The following CACNA1S variants were observed in gnomAD, a reference collection of about 807,000 sequenced individuals.
The protein encoded by CACNA1S is voltage-dependent L-type calcium channel subunit alpha-1S.
Under a neutral mutation model 207.4 loss-of-function variants are expected in CACNA1S, and 126 were observed. That is an observed-to-expected ratio of 0.61 (90% CI 0.53 to 0.70). CACNA1S has a LOEUF of 0.70. Among genes scored for constraint, CACNA1S ranks in the 30% least tolerant of loss-of-function variants. The probability of loss-of-function intolerance (pLI) is 0.00; values close to 1 mark genes in which losing one functional copy is unlikely to be tolerated. For missense variants in CACNA1S, 2,349 were observed against 2,422.8 expected (o/e 0.97, Z 0.64); for synonymous variants, 960 against 932.7 (o/e 1.03, Z -0.53).
Position 201,053,566 on chromosome 1 carries a change from T to G in CACNA1S, c.3688A>C (p.Ile1230Leu), listed in dbSNP as rs1265187841. The change falls in exon 30 of 44, where the codon ATC becomes CTC. Residue 1230 changes from isoleucine to leucine, a missense_variant. Physicochemically the swap from Ile to Leu is conservative, Grantham distance 5. Transcript: ENST00000362061. This position sits in a 1 kb window ranked among gnomAD's most constrained non-coding sequence, Gnocchi z 5.1. ...AACAGGCGGAAGAAGGCGCTGGAGA[T>G]GCGGGCACTCTCATCTGGGTCCTGC... ...GNVDPDESAR[I>L]SSAFFRLFRV... 5 of 1,609,208 alleles carry G rather than the reference T, an allele frequency of 3.1e-6. No homozygotes were observed. The highest frequency in any genetic ancestry group is 4.2e-6 in the Non-Finnish European group (5 of 1,177,524).
At chr1:201,047,443 T>C in intron 37 of CACNA1S, 82 bp downstream of exon 37, 1 of 1,336,752 alleles carries the variant, frequency 7.5e-7, no homozygotes, top group Non-Finnish European at 1.1e-6. Context: ...CGTTCTCAGA[T>C]TCCCATGGGG....
At chr1:201,076,478 G>A (rs1661628306) in intron 12 of CACNA1S, among the ~76,000 whole-genome samples, 1 of 152,284 alleles carries the variant, frequency 6.6e-6, no homozygotes, top group Non-Finnish European at 1.5e-5. Context: ...CCCTTGGGTG[G>A]CTGATAGTGA....
At chr1:201,073,310 C>CTG (rs1427760891) in intron 15 of CACNA1S, among the ~76,000 whole-genome samples, 1 of 149,984 alleles carries the variant, frequency 6.7e-6, no homozygotes, top group Admixed American at 6.7e-5. Flanking sequence ...GAGTGGGAAG[C>CTG]TGCTACGCTG....
rs537264732 is a variant in CACNA1S, at chr1:201,053,119, C to T, written c.3861+90G>A. 68 of 1,416,990 alleles carry T rather than the reference C, an allele frequency of 4.8e-5. No homozygotes were observed. In the East Asian group the frequency reaches 8.9e-4, roughly 19 times the overall value. 87.8% of individuals were successfully genotyped at this position (1,416,990 alleles called of 1,614,324 possible). On this transcript the variant is annotated intron_variant, in intron 31 of 43. Transcript: ENST00000362061. This position sits in a 1 kb window ranked among gnomAD's most constrained non-coding sequence, Gnocchi z 5.1. ...GGCAGGGAGGGCGGAGGGTCCAGCC[C>T]GTGTGCTGCTCAGGCTCCTCAGGGT... is the stretch of plus-strand genomic sequence containing the variant.
intron 7 of CACNA1S, 26 bp from the exon 8 acceptor site, chr1:201,085,607 G>C: frequency 6.2e-7 from 1 of 1,613,472 alleles, no homozygotes; most frequent in Non-Finnish European, 8.5e-7. Flanking sequence ...GGAGCCAGGA[G>C]AGGAGGAGAA....
At chr1:201,110,097 C>T in intron 2 of CACNA1S, 67 bp downstream of exon 2, 1 of 1,424,018 alleles carries the variant, frequency 7.0e-7, no homozygotes, top group Non-Finnish European at 9.9e-7. Context: ...ACAGAGTCCA[C>T]CAAGGGGGCC....
chr1:201,100,238 T>C (rs1662598847), intron 2 of CACNA1S, among the ~76,000 whole-genome samples: 2 of 152,272 alleles, frequency 1.3e-5, no homozygotes, highest in South Asian at 4.1e-4. Flanking sequence ...CTGTTTTTCC[T>C]GTTTCACAGA....
At chr1:201,083,594 G>A (rs1012874966) in intron 9 of CACNA1S, among the ~76,000 whole-genome samples, 2 of 152,166 alleles carry the variant, frequency 1.3e-5, no homozygotes, top group East Asian at 1.9e-4. Context: ...AGGAGCAGAC[G>A]CTCCGTGTGG....
At chr1:201,058,569 T>A in intron 27 of CACNA1S, 78 bp from the exon 28 acceptor site, 1 of 1,182,136 alleles carries the variant, frequency 8.5e-7, no homozygotes, top group Non-Finnish European at 1.3e-6. Context: ...GAGGACAGTG[T>A]CCCACCCGAG....
At chr1:201,099,296 C>T (rs1662553826) in intron 2 of CACNA1S, among the ~76,000 whole-genome samples, 1 of 152,196 alleles carries the variant, frequency 6.6e-6, no homozygotes, top group Non-Finnish European at 1.5e-5. Flanking sequence ...CTCCAGGCTC[C>T]CAGGCTCCCC....
rs1558070799 is a variant in CACNA1S at position 201,075,454 on chromosome 1, C to CCCCCCCAA, written c.1948+40_1948+41insTTGGGGGG. 3.1e-6 allele frequency: 5 copies of CCCCCCCAA among 1,594,310 alleles called. No individual in the cohort carries two copies. In the Admixed American group the frequency reaches 5.0e-5, roughly 16 times the overall value. On this transcript the variant is annotated intron_variant, in intron 13 of 43. Transcript: ENST00000362061. The stretch of plus-strand genomic sequence containing the variant: ...CATTTTAAGCCCTTTCCCCCACCCC[C>CCCCCCCAA]TCCCTAAGCTCTTTTCTGCACCCTG...
Position 201,050,380 on chromosome 1 carries a change from TG to T in CACNA1S, c.4241+8del, listed in dbSNP as rs777764199. On this transcript the variant is annotated splice_region_variant and intron_variant, in intron 34 of 43. Transcript: ENST00000362061. ...AGGGCCCAGCACAGAGCCTACAGATTGGACTCACTTAGCCTCTGGGTCATAC... is the reference window on the plus strand; with the variant it reads ...AGGGCCCAGCACAGAGCCTACAGATTGACTCACTTAGCCTCTGGGTCATAC... 6.2e-7 allele frequency: 1 copy of T among 1,613,956 alleles called. No homozygotes were observed.
intron 19 of CACNA1S, 150 bp downstream of exon 19, chr1:201,068,987 T>A: frequency 1.4e-6 from 1 of 721,602 alleles, no homozygotes. Flanking sequence ...CAGATACTTG[T>A]GGGCCTGCCG....
At chr1:201,094,787 A>G (rs1432451585) in intron 2 of CACNA1S, among the ~76,000 whole-genome samples, 1 of 152,110 alleles carries the variant, frequency 6.6e-6, no homozygotes, top group African/African-American at 2.4e-5. Flanking sequence ...ACAGGTAAGA[A>G]GCTGAGGTTT....
rs1224046860 is a variant in CACNA1S, at chr1:201,093,978, G to T, written c.302C>A (p.Ala101Asp). 6.2e-7 allele frequency: 1 copy of T among 1,614,236 alleles called. No individual in the cohort carries two copies. Among genetic ancestry groups the T allele is most frequent in the South Asian group, 1.1e-5 (1 of 91,084 alleles). ...YFFLIVFSIE[A>D]AMKIIAYGFL... ...GCCGTAGGCAATGATCTTCATGGCG[G>T]CTTCAATCGAGAAGACAATGAGGAA... The change falls in exon 3 of 44, where the codon GCC becomes GAC. Residue 101 changes from alanine to aspartate, a missense_variant. Transcript: ENST00000362061.
rs926000507 is a variant in CACNA1S at position 201,039,947 on chromosome 1, G to T, written c.5506C>A (p.Arg1836=). Residue 1836 remains arginine, a synonymous_variant, in exon 44 of 44, where the codon CGA becomes AGA. Transcript: ENST00000362061. The part of the protein sequence containing the change: ...EIMATELLKG[R]EAPEGMASSL... ...CTGGCCATGCCCTCTGGGGCCTCTC[G>T]TCCTTTCAGTAGCTCTGTTGCCATG... The T allele has an allele frequency of 1.9e-6, 3 of 1,614,138 alleles. No homozygotes were observed. The highest frequency in any genetic ancestry group is 1.7e-5 in the Admixed American group (1 of 60,030).
At chr1:201,047,342 C>G in intron 37 of CACNA1S, 103 bp from the exon 38 acceptor site, 1 of 1,502,196 alleles carries the variant, frequency 6.7e-7, no homozygotes, top group Admixed American at 1.8e-5. Context: ...GCAAGCAATC[C>G]TTTGTCTTGC....
intron 2 of CACNA1S, among the ~76,000 whole-genome samples, chr1:201,108,851 C>A (rs780379216): frequency 6.6e-6 from 1 of 152,138 alleles, no homozygotes; most frequent in Non-Finnish European, 1.5e-5. Context: ...AAGGTGGTTC[C>A]ATTGTTCTGT....
Position 201,066,857 on chromosome 1 carries a change from T to C in CACNA1S, c.2657+30A>G, listed in dbSNP as rs1661262461. On this transcript the variant is annotated intron_variant, in intron 20 of 43. Coordinates refer to ENST00000362061, the MANE Select transcript of CACNA1S (RefSeq NM_000069.3). The surrounding 1 kb of genome is among the most constrained non-coding windows in gnomAD (Gnocchi z 4.3). ...CTGGCACAGAGCAGAGGGTGGTCTG[T>C]GCCCAGGGCTGGCCCTTGCCGCTGC... 1 of 1,529,294 alleles carries C rather than the reference T, an allele frequency of 6.5e-7. No individual in the cohort carries two copies. Among genetic ancestry groups the C allele is most frequent in the Admixed American group, 1.7e-5 (1 of 59,674 alleles). 94.7% of individuals were successfully genotyped at this position (1,529,294 alleles called of 1,614,324 possible).
Sources: allele counts gnomAD v4.1 joint callset (sites outside exome capture counted in the v4.1 genomes callset), GRCh38; gene constraint gnomAD v4.1.1; non-coding constraint Gnocchi (gnomAD v3.1); transcripts MANE v1.5; gene names NCBI Gene and HGNC (gene_info 2026-07-23, HGNC 2026-07-21).